The following TNN variants were observed in gnomAD, a reference collection of about 807,000 sequenced individuals.
The protein encoded by TNN is tenascin-N.
A neutral mutation model predicts 134.4 loss-of-function variants in TNN; 122 were observed. The observed-to-expected ratio is 0.91, with a 90% CI of 0.78 to 1.06. The LOEUF is 1.06. Ranked by LOEUF, TNN falls within the 50% of genes least tolerant of loss-of-function variation. TNN has a pLI of 0.00. For synonymous variants in TNN, 710 were observed against 670.3 expected, an observed-to-expected ratio of 1.06 and a Z score of -0.91; for missense variants, 1,739 against 1,699.4, an observed-to-expected ratio of 1.02 and a Z score of -0.41.
chr1:175,130,875 C>T (rs1260674051), intron 15 of TNN, among the ~76,000 whole-genome samples: 1 of 152,152 alleles, frequency 6.6e-6, no homozygotes, highest in East Asian at 1.9e-4. Flanking sequence ...CATTCTCACC[C>T]TCCCCAGCCC....
intron 1 of TNN, among the ~76,000 whole-genome samples, chr1:175,069,650 A>G (rs1176762654): frequency 6.6e-6 from 1 of 152,186 alleles, no homozygotes; most frequent in South Asian, 2.1e-4. Flanking sequence ...ACATGAGATC[A>G]TGGTTTAGGT....
chr1:175,114,908 T>C (rs939484121), intron 9 of TNN, among the ~76,000 whole-genome samples: 1 of 152,018 alleles, frequency 6.6e-6, no homozygotes, highest in African/African-American at 2.4e-5. Flanking sequence ...AGTATCCCAG[T>C]CTCTGTAAGG....
chr1:175,071,229 T>C lies in TNN; in HGVS notation c.-36+3294T>C, dbSNP rs746643315. On this transcript the variant is annotated intron_variant, in intron 1 of 18. Transcript: ENST00000239462. ...AAAGGTCTGTAACAGTGGCTAGAAA[T>C]TGGCTACCTCTCTTCTTTGGCGTAA... Among the ~76,000 whole-genome samples, 72 of 152,290 alleles carry C rather than the reference T, an allele frequency of 4.7e-4. 1 individual carries two copies. The highest frequency in any genetic ancestry group is 1.8e-3 in the Admixed American group (28 of 15,300).
In TNN at chr1:175,118,781, G is replaced by C; in HGVS notation, c.2607G>C (p.Lys869Asn). Residue 869 changes from lysine to asparagine, a missense_variant, in exon 11 of 19, where the codon AAG becomes AAC. Lys to Asn is a moderately conservative substitution (Grantham distance 94). Coordinates refer to ENST00000239462, the MANE Select transcript of TNN (RefSeq NM_022093.2). ...MEYTVHVWAQ[K>N]GNQESKKADT... is the part of the protein sequence containing the mutation. ...ACACGGTGCACGTGTGGGCCCAGAA[G>C]GGGAACCAGGAGAGCAAGAAGGCTG... 1 of 1,614,216 alleles carries C rather than the reference G, an allele frequency of 6.2e-7. No homozygotes were observed. The highest frequency in any genetic ancestry group is 8.5e-7 in the Non-Finnish European group (1 of 1,180,042).
chr1:175,085,900 T>C (rs1017920194), intron 6 of TNN, among the ~76,000 whole-genome samples: 4 of 138,872 alleles, frequency 2.9e-5, no homozygotes, highest in Non-Finnish European at 6.2e-5. Context: ...AAAAAGAGAA[T>C]TCTGGGATTT....
At chr1:175,085,743 G>A (rs984368051) in intron 6 of TNN, among the ~76,000 whole-genome samples, 6 of 151,934 alleles carry the variant, frequency 3.9e-5, no homozygotes, top group Non-Finnish European at 7.4e-5. Context: ...GCGTGGTGGC[G>A]CATGCCTGTA....
Position 175,128,751 on chromosome 1 carries a change from G to A in TNN, c.3330+5G>A. 1.2e-6 allele frequency: 2 copies of A among 1,611,696 alleles called. No homozygotes were observed. The highest frequency in any genetic ancestry group is 1.7e-6 in the Non-Finnish European group (2 of 1,178,646). On this transcript the variant is annotated splice_donor_5th_base_variant and intron_variant, in intron 15 of 18. Coordinates refer to ENST00000239462, the MANE Select transcript of TNN (RefSeq NM_022093.2). The stretch of plus-strand genomic sequence containing the variant: ...ACGGACGGAGGTGGCTGGATTGTGA[G>A]TCACGCAGAACCCTGGGGAGCTCTG...
chr1:175,109,714 A>C (rs1462025379), intron 9 of TNN, among the ~76,000 whole-genome samples: 3 of 149,628 alleles, frequency 2.0e-5, no homozygotes, highest in East Asian at 3.9e-4. Flanking sequence ...ATATATATAC[A>C]CACATACATA....
In TNN at chr1:175,094,195, C is replaced by T. The variant is rs141774333; in HGVS notation, c.1530C>T (p.Tyr510=). The T allele has an allele frequency of 5.6e-5, 91 of 1,613,592 alleles. No individual in the cohort carries two copies. The East Asian group carries it at 5.8e-4, about 10-fold the overall frequency. ...GLKPGEAYKV[Y]VWAERGNQGS... ...AGCCAGGAGAGGCATACAAGGTCTA[C>T]GTGTGGGCTGAAAGGGGCAACCAGG... The change falls in exon 7 of 19, where the codon TAC becomes TAT. Residue 510 remains tyrosine (Y), a synonymous_variant. Coordinates refer to ENST00000239462, the MANE Select transcript of TNN (RefSeq NM_022093.2).
rs143826266 is a variant in TNN, at chr1:175,098,411, C to G, written c.1935C>G (p.Ala645=). The G allele has an allele frequency of 2.2e-5, 36 of 1,614,020 alleles. No homozygotes were observed. Among genetic ancestry groups the G allele is most frequent in the Non-Finnish European group, 3.0e-5 (35 of 1,180,046 alleles). The change falls in exon 9 of 19, where the codon GCC becomes GCG. Residue 645 remains alanine, a synonymous_variant. Coordinates refer to ENST00000239462, the MANE Select transcript of TNN (RefSeq NM_022093.2). ...MATVSWDPVQ[A]AIDKYVVRYT... The stretch of plus-strand genomic sequence containing the variant: ...CGGTCTCCTGGGACCCGGTGCAGGC[C>G]GCCATTGACAAGTACGTGGTGCGCT...
At chr1:175,084,765 C>T (rs2149428846) in intron 5 of TNN, among the ~76,000 whole-genome samples, 1 of 152,276 alleles carries the variant, frequency 6.6e-6, no homozygotes, top group South Asian at 2.1e-4. Flanking sequence ...TGCATTTTAC[C>T]ACCACAGTCT....
At chr1:175,125,487 A>G (rs898208399) in intron 12 of TNN, among the ~76,000 whole-genome samples, 1 of 152,142 alleles carries the variant, frequency 6.6e-6, no homozygotes, top group Non-Finnish European at 1.5e-5. Flanking sequence ...GTGAGGAAGT[A>G]CATAGAAGAA....
In TNN at chr1:175,105,436, A is replaced by G. The variant is rs1364879743; in HGVS notation, c.2119+6841A>G. On this transcript the variant is annotated intron_variant, in intron 9 of 18. Transcript: ENST00000239462. ...GGGAGATTAGAGGAGGAGTATCATC[A>G]ATAGGAAGGGAAGCTATAGGGAGGC... Among the ~76,000 whole-genome samples the G allele has an allele frequency of 1.4e-5, 2 of 145,166 alleles. 1 individual carries two copies. The highest frequency in any genetic ancestry group is 3.1e-5 in the Non-Finnish European group (2 of 65,512).
At chr1:175,082,075 G>T (rs1674208975) in intron 4 of TNN, among the ~76,000 whole-genome samples, 1 of 152,188 alleles carries the variant, frequency 6.6e-6, no homozygotes, top group African/African-American at 2.4e-5. Flanking sequence ...CTGTGAAATG[G>T]TTTATGTTCA....
At chr1:175,095,379 A>G (rs1674544348) in intron 7 of TNN, among the ~76,000 whole-genome samples, 1 of 152,236 alleles carries the variant, frequency 6.6e-6, no homozygotes, top group African/African-American at 2.4e-5. Flanking sequence ...AAACAGCCAC[A>G]GACAATGATG....
chr1:175,090,181 G>A (rs911746676), intron 6 of TNN, among the ~76,000 whole-genome samples: 3 of 152,210 alleles, frequency 2.0e-5, no homozygotes, highest in African/African-American at 7.2e-5. Context: ...CTCAGGGTGA[G>A]CTAGTGAACA....
chr1:175,139,812 C>T (rs910956087), intron 17 of TNN, among the ~76,000 whole-genome samples: 10 of 152,216 alleles, frequency 6.6e-5, no homozygotes, highest in Non-Finnish European at 1.5e-4. Flanking sequence ...ATGCATTGGT[C>T]TGCAACCTTA....
chr1:175,127,713 A>G (rs1056611905), intron 13 of TNN, among the ~76,000 whole-genome samples: 18 of 152,272 alleles, frequency 1.2e-4, no homozygotes, highest in Non-Finnish European at 2.5e-4. Context: ...CTGGCAATGT[A>G]GCCACTATAG....
Position 175,135,886 on chromosome 1 carries a change from G to A in TNN, c.3372G>A (p.Lys1124=). 6.2e-7 allele frequency: 1 copy of A among 1,613,970 alleles called. No homozygotes were observed. Among genetic ancestry groups the A allele is most frequent in the Non-Finnish European group, 8.5e-7 (1 of 1,179,902 alleles). The change falls in exon 16 of 19, where the codon AAG becomes AAA. Residue 1124 remains lysine (K), a synonymous_variant. Coordinates refer to ENST00000239462, the MANE Select transcript of TNN (RefSeq NM_022093.2). The part of the protein sequence containing the change: ...RRNTGQLDFF[K]RWRSYVEGFG... Reference sequence around the variant, plus strand: ...ACACTGGGCAGCTGGATTTCTTCAAGCGATGGAGGAGCTATGTGGAAGGCT... The same window carrying A: ...ACACTGGGCAGCTGGATTTCTTCAAACGATGGAGGAGCTATGTGGAAGGCT...
Sources: gnomAD v4.1 joint callset for allele counts (sites outside exome capture counted in the v4.1 genomes callset) on GRCh38, gnomAD v4.1.1 for gene constraint, MANE v1.5 for transcripts, NCBI Gene and HGNC (gene_info 2026-07-23, HGNC 2026-07-21) for gene names.